PLXDC2: variants seen among roughly 807,000 people sequenced by gnomAD.
PLXDC2 encodes the protein plexin domain containing 2, also known as plexin domain-containing protein 2.
PLXDC2 carries 40 observed loss-of-function variants against 68.9 expected under a neutral mutation model. That is an observed-to-expected ratio of 0.58 (90% confidence interval 0.45 to 0.76). PLXDC2 has a LOEUF of 0.76. Ranked by LOEUF, PLXDC2 falls within the 30% of genes least tolerant of loss-of-function variation. The pLI is 0.00. For missense variants in PLXDC2, 644 were observed against 661.9 expected (o/e 0.97, Z 0.30); for synonymous variants, 243 against 234.2 (o/e 1.04, Z -0.34).
chr10:19,970,925 G>C (rs966467910), intron 1 of PLXDC2, among the ~76,000 whole-genome samples: 2 of 152,146 alleles, frequency 1.3e-5, no homozygotes, highest in South Asian at 4.1e-4. Context: ...GTCTCTCTCT[G>C]AGCTTCGTTC....
chr10:20,256,672 T>C (rs969763305), intron 13 of PLXDC2, among the ~76,000 whole-genome samples: 1 of 152,124 alleles, frequency 6.6e-6, no homozygotes, highest in Non-Finnish European at 1.5e-5. Flanking sequence ...TTTCCTTTTT[T>C]TTTTTCTCAG....
chr10:19,871,659 C>A (rs569879713), intron 1 of PLXDC2, among the ~76,000 whole-genome samples: 13 of 152,148 alleles, frequency 8.5e-5, no homozygotes. Context: ...GCAAGTGGAT[C>A]ACGTGAGGTC....
intron 13 of PLXDC2, among the ~76,000 whole-genome samples, chr10:20,278,279 A>T (rs141552996): frequency 2.6e-5 from 4 of 152,254 alleles, no homozygotes; most frequent in African/African-American, 9.6e-5. Flanking sequence ...GCTTTGGAGA[A>T]GCTCAGCTGT....
At chr10:19,837,248 T>C (rs1446850232) in intron 1 of PLXDC2, among the ~76,000 whole-genome samples, 1 of 152,162 alleles carries the variant, frequency 6.6e-6, no homozygotes, top group Non-Finnish European at 1.5e-5. Flanking sequence ...ATCAAGCTTA[T>C]GCAAGTTTGA....
chr10:19,946,619 GAA>G (rs1403652504), intron 1 of PLXDC2, among the ~76,000 whole-genome samples: 1 of 151,808 alleles, frequency 6.6e-6, no homozygotes, highest in Non-Finnish European at 1.5e-5. Flanking sequence ...CCGATTTTGT[GAA>G]AGACAGTTTT....
chr10:20,212,432 G>T (rs547060348), intron 10 of PLXDC2, among the ~76,000 whole-genome samples: 4 of 152,016 alleles, frequency 2.6e-5, no homozygotes, highest in Admixed American at 2.6e-4. Context: ...ATTTTAACCC[G>T]TTTAAAAGCT....
chr10:19,843,901 T>C (rs936295416), intron 1 of PLXDC2, among the ~76,000 whole-genome samples: 11 of 152,192 alleles, frequency 7.2e-5, no homozygotes, highest in African/African-American at 2.7e-4. Context: ...CTGTATTGTG[T>C]ATTTCAAATA....
chr10:19,979,141 A>G (rs1000307125), intron 1 of PLXDC2, among the ~76,000 whole-genome samples: 2 of 152,200 alleles, frequency 1.3e-5, no homozygotes, highest in South Asian at 4.1e-4. Flanking sequence ...CATAAACTTC[A>G]TTTGCTATGG....
chr10:20,067,992 C>CT (rs138033719), intron 3 of PLXDC2, among the ~76,000 whole-genome samples, 178 bp from the exon 4 acceptor site: 269 of 152,254 alleles, frequency 1.8e-3, no homozygotes, highest in African/African-American at 5.7e-3. Context: ...TACTTCAAAA[C>CT]TTTAATTACC....
At chr10:20,210,307 C>A (rs563029178) in intron 9 of PLXDC2, among the ~76,000 whole-genome samples, 1 of 152,224 alleles carries the variant, frequency 6.6e-6, no homozygotes, top group East Asian at 1.9e-4. Flanking sequence ...TTAATGTGAT[C>A]TTTTCCTCTC....
At chr10:20,143,532 C>A (rs965711872) in intron 5 of PLXDC2, 115 bp downstream of exon 5, 9 of 1,305,946 alleles carry the variant, frequency 6.9e-6, no homozygotes, top group Non-Finnish European at 9.5e-6. Flanking sequence ...CTGCTTGATG[C>A]AAATGGTCTG....
intron 1 of PLXDC2, among the ~76,000 whole-genome samples, chr10:20,000,302 T>C (rs1332918193): frequency 6.6e-6 from 1 of 151,798 alleles, no homozygotes; most frequent in Non-Finnish European, 1.5e-5. Flanking sequence ...TTTTTTAGCC[T>C]CTAACAATTC....
At chr10:19,882,579 T>C (rs900566434) in intron 1 of PLXDC2, among the ~76,000 whole-genome samples, 2 of 152,220 alleles carry the variant, frequency 1.3e-5, no homozygotes, top group Non-Finnish European at 2.9e-5. Context: ...CATAAATGGA[T>C]GTCACGAAGC....
intron 1 of PLXDC2, among the ~76,000 whole-genome samples, chr10:19,850,767 C>A (rs1271974914): frequency 6.6e-6 from 1 of 152,088 alleles, no homozygotes; most frequent in Non-Finnish European, 1.5e-5. Context: ...GATAAGAAAG[C>A]AAATCAGGGC....
chr10:20,136,231 A>T (rs905428376), intron 4 of PLXDC2, among the ~76,000 whole-genome samples: 3 of 152,224 alleles, frequency 2.0e-5, no homozygotes, highest in Admixed American at 6.5e-5. Context: ...GAAGTCTGTT[A>T]TGTAAAACCT....
intron 3 of PLXDC2, among the ~76,000 whole-genome samples, chr10:20,058,062 T>C (rs1836030698): frequency 6.6e-6 from 1 of 152,188 alleles, no homozygotes; most frequent in Non-Finnish European, 1.5e-5. Flanking sequence ...TTGGTCTAAC[T>C]TTCAATTTCA....
intron 1 of PLXDC2, among the ~76,000 whole-genome samples, chr10:19,866,829 T>C (rs1041613055): frequency 6.6e-6 from 1 of 152,116 alleles, no homozygotes; most frequent in Non-Finnish European, 1.5e-5. Flanking sequence ...AGGTTATACA[T>C]TGGTTTGGCC....
chr10:19,937,203 G>C (rs550514347), intron 1 of PLXDC2, among the ~76,000 whole-genome samples: 1 of 152,022 alleles, frequency 6.6e-6, no homozygotes, highest in Non-Finnish European at 1.5e-5. Flanking sequence ...TCTGCATGTG[G>C]GACAAATTAA....
intron 4 of PLXDC2, among the ~76,000 whole-genome samples, chr10:20,085,209 TA>T (rs10633088): frequency 7.4e-5 from 11 of 148,726 alleles, no homozygotes; most frequent in Admixed American, 1.3e-4. Context: ...GGTTTTTTGT[TA>T]AAAAAAAAAA....
Sources: allele counts gnomAD v4.1 joint callset (sites outside exome capture counted in the v4.1 genomes callset), GRCh38; gene constraint gnomAD v4.1.1; transcripts MANE v1.5; gene names NCBI Gene and HGNC (gene_info 2026-07-23, HGNC 2026-07-21).